Variants in ADAMTSL3 observed in about 807,000 individuals in gnomAD.
The protein encoded by ADAMTSL3 is ADAMTS-like protein 3.
In ADAMTSL3, 128 loss-of-function variants were observed where a neutral mutation model predicts 201.7. That is an observed-to-expected ratio of 0.63 (90% confidence interval 0.55 to 0.73). The LOEUF (loss-of-function observed/expected upper bound fraction) is 0.73, where lower values mean the gene tolerates loss of function less well. Ranked by LOEUF, ADAMTSL3 falls within the 30% of genes least tolerant of loss-of-function variation. The probability of loss-of-function intolerance (pLI) is 0.00; values close to 1 mark genes in which losing one functional copy is unlikely to be tolerated. For synonymous variants in ADAMTSL3, 738 were observed against 748.4 expected (o/e 0.99, Z 0.23); for missense variants, 1,990 against 2,119.6 (o/e 0.94, Z 1.20).
chr15:83,841,572 A>C (rs2064374480), intron 7 of ADAMTSL3, among the ~76,000 whole-genome samples: 1 of 152,204 alleles, frequency 6.6e-6, no homozygotes, highest in Non-Finnish European at 1.5e-5. Flanking sequence ...ATAGCGTAGT[A>C]ACTAGAGAGT....
intron 3 of ADAMTSL3, among the ~76,000 whole-genome samples, chr15:83,773,131 T>C (rs982911628): frequency 6.6e-6 from 1 of 152,102 alleles, no homozygotes; most frequent in Admixed American, 6.6e-5. Flanking sequence ...TTGGGTAACA[T>C]TGGTCTTTGT....
Position 83,982,788 on chromosome 15 carries a change from C to G in ADAMTSL3, c.3160C>G (p.Pro1054Ala), listed in dbSNP as rs753344920. The G allele has an allele frequency of 7.4e-6, 12 of 1,614,072 alleles. No individual in the cohort carries two copies. Among genetic ancestry groups the G allele is most frequent in the Non-Finnish European group, 1.0e-5 (12 of 1,180,028 alleles). Residue 1054 changes from proline (P) to alanine (A), a missense_variant, in exon 21 of 30, where the codon CCT becomes GCT. Transcript: ENST00000286744. ...GGATGATGACCACATTAGTAACCAG[C>G]CTTTCTTGAGAGCTCTGTTAGGCCA... ...YLDDDHISNQ[P>A]FLRALLGHCS...
chr15:83,822,013 C>A (rs2063880252), intron 6 of ADAMTSL3, among the ~76,000 whole-genome samples: 1 of 144,300 alleles, frequency 6.9e-6, no homozygotes, highest in African/African-American at 2.6e-5. Flanking sequence ...CCTCCCCCAC[C>A]TCCCTCCCGG....
At chr15:83,862,879 C>T (rs1392825545) in intron 8 of ADAMTSL3, 1 of 152,180 alleles carries the variant, frequency 6.6e-6, no homozygotes. Context: ...AAACCCATCT[C>T]ACGTGCAGAG....
Position 83,882,037 on chromosome 15 carries a change from T to G in ADAMTSL3, c.961-3064T>G, listed in dbSNP as rs1173860773. Among the ~76,000 whole-genome samples, 3 of 151,746 alleles carry G rather than the reference T, an allele frequency of 2.0e-5. No homozygotes were observed. The East Asian group carries it at 5.8e-4, about 29-fold the overall frequency. On this transcript the variant is annotated intron_variant, in intron 9 of 29. Coordinates refer to ENST00000286744, the MANE Select transcript of ADAMTSL3 (RefSeq NM_207517.3). ...CAGGCATGGTGGCGGGCACCTGTAG[T>G]CTCAGCTACTTGGGAGGCTGAGACA...
chr15:84,009,000 T>G (rs1264040016), intron 23 of ADAMTSL3, among the ~76,000 whole-genome samples: 1 of 152,202 alleles, frequency 6.6e-6, no homozygotes, highest in Non-Finnish European at 1.5e-5. Context: ...GACCGTCTCT[T>G]ACCACGTTCA....
intron 20 of ADAMTSL3, among the ~76,000 whole-genome samples, chr15:83,973,075 A>G (rs1487091474): frequency 6.6e-6 from 1 of 152,086 alleles, no homozygotes; most frequent in Non-Finnish European, 1.5e-5. Context: ...TTTCTCTCCA[A>G]CGTTTCCTAA....
At chr15:83,964,968 A>G (rs982408933) in intron 19 of ADAMTSL3, among the ~76,000 whole-genome samples, 1 of 152,190 alleles carries the variant, frequency 6.6e-6, no homozygotes, top group Non-Finnish European at 1.5e-5. Flanking sequence ...AGGCAAGCAA[A>G]TGCTGAGAGA....
At chr15:83,802,307 A>G (rs1423641103) in intron 4 of ADAMTSL3, among the ~76,000 whole-genome samples, 1 of 152,182 alleles carries the variant, frequency 6.6e-6, no homozygotes, top group Non-Finnish European at 1.5e-5. Flanking sequence ...ATGTTTACCG[A>G]ATAATTTTTA....
chr15:83,924,817 T>G (rs1596413580), intron 17 of ADAMTSL3, among the ~76,000 whole-genome samples: 2 of 152,290 alleles, frequency 1.3e-5, no homozygotes, highest in Admixed American at 6.5e-5. Context: ...TTGTGACCCC[T>G]CTTCTGCGAG....
At chr15:83,667,777 C>T (rs1256085888) in intron 2 of ADAMTSL3, among the ~76,000 whole-genome samples, 1 of 149,990 alleles carries the variant, frequency 6.7e-6, no homozygotes, top group Non-Finnish European at 1.5e-5. Context: ...CCTTATTGAC[C>T]AAAAATTGGA....
At chr15:83,795,806 A>G (rs890299775) in intron 4 of ADAMTSL3, among the ~76,000 whole-genome samples, 3 of 152,164 alleles carry the variant, frequency 2.0e-5, no homozygotes, top group Non-Finnish European at 4.4e-5. Flanking sequence ...TCCTTAAGGT[A>G]TGGCAGCAAT....
chr15:83,929,567 T>G (rs2066312880), intron 17 of ADAMTSL3, among the ~76,000 whole-genome samples: 1 of 152,116 alleles, frequency 6.6e-6, no homozygotes, highest in East Asian at 1.9e-4. Context: ...TCACAAGTAC[T>G]GGGGGTTATA....
Position 83,886,905 on chromosome 15 carries a change from A to G in ADAMTSL3, c.1072+1693A>G, listed in dbSNP as rs114646314. Among the ~76,000 whole-genome samples, 540 of 152,344 alleles carry G rather than the reference A, an allele frequency of 3.5e-3. 3 individuals are homozygous for G. The highest frequency in any genetic ancestry group is 0.012 in the African/African-American group (515 of 41,562). On this transcript the variant is annotated intron_variant, in intron 10 of 29. Transcript: ENST00000286744. ...CCAAGAAGAAGTTTATGTCCCTGGAAATGGAAGAGAAGACTGAATAGTGCC... is the reference window on the plus strand; with the variant it reads ...CCAAGAAGAAGTTTATGTCCCTGGAGATGGAAGAGAAGACTGAATAGTGCC...
At chr15:83,658,293 G>A (rs2061119119) in intron 2 of ADAMTSL3, among the ~76,000 whole-genome samples, 1 of 152,156 alleles carries the variant, frequency 6.6e-6, no homozygotes, top group African/African-American at 2.4e-5. Context: ...ATTATCGGTA[G>A]AGATGAGGTT....
chr15:83,970,756 T>TA, intron 20 of ADAMTSL3, 119 bp downstream of exon 20: 1 of 1,280,312 alleles, frequency 7.8e-7, no homozygotes, highest in Non-Finnish European at 1.1e-6. Flanking sequence ...ACTCAAGCTG[T>TA]ACTCAGTGTT....
At chr15:83,925,999 A>C (rs1364020956) in intron 17 of ADAMTSL3, among the ~76,000 whole-genome samples, 1 of 152,180 alleles carries the variant, frequency 6.6e-6, no homozygotes, top group African/African-American at 2.4e-5. Flanking sequence ...CATTTTGTAA[A>C]CTGTTTTCTT....
intron 16 of ADAMTSL3, among the ~76,000 whole-genome samples, chr15:83,914,853 G>T (rs28681517): frequency 7.8e-4 from 17 of 21,736 alleles, no homozygotes; most frequent in African/African-American, 2.6e-3. Flanking sequence ...GTTTGGTTTT[G>T]TTTGTTTGTT....
At chr15:83,735,616 A>G (rs2062357750) in intron 3 of ADAMTSL3, among the ~76,000 whole-genome samples, 1 of 152,090 alleles carries the variant, frequency 6.6e-6, no homozygotes, top group African/African-American at 2.4e-5. Flanking sequence ...TTAATACACT[A>G]AAGCATACAA....
Sources: gnomAD v4.1 joint callset for allele counts (sites outside exome capture counted in the v4.1 genomes callset) on GRCh38, gnomAD v4.1.1 for gene constraint, MANE v1.5 for transcripts, NCBI Gene and HGNC (gene_info 2026-07-23, HGNC 2026-07-21) for gene names.